PTPRD: variants seen among roughly 807,000 people sequenced by gnomAD.
The protein encoded by PTPRD is protein tyrosine phosphatase receptor type D.
PTPRD carries 34 observed loss-of-function variants against 214.5 expected under a neutral mutation model. The ratio of observed to expected loss-of-function variants is 0.16; its 90% CI spans 0.12 to 0.21. The LOEUF (loss-of-function observed/expected upper bound fraction) is 0.21, where lower values mean the gene tolerates loss of function less well. Among genes scored for constraint, PTPRD ranks in the 10% least tolerant of loss-of-function variants. The pLI is 1.00. For missense variants in PTPRD, 2,545 were observed against 2,398.7 expected (o/e 1.06, Z -1.27); for synonymous variants, 1,128 against 845.7 (o/e 1.33, Z -5.79).
rs146049779 is a variant in PTPRD, at chr9:8,779,803, A to G, written c.-103-45857T>C. Among the ~76,000 whole-genome samples, 330 of 141,284 alleles carry G rather than the reference A, an allele frequency of 2.3e-3. 1 individual carries two copies. The highest frequency in any genetic ancestry group is 8.2e-3 in the African/African-American group (315 of 38,420). 92.7% of individuals were successfully genotyped at this position (141,284 alleles called of 152,430 possible). ...GCATATTTGCTCACACATTATGTCG[A>G]TGTTTTGTTGGTTTTTTTTTTTTTT... is the stretch of plus-strand genomic sequence containing the variant. On this transcript the variant is annotated intron_variant, in intron 11 of 45. Coordinates refer to ENST00000381196, the MANE Select transcript of PTPRD (RefSeq NM_002839.4).
At chr9:9,474,427 A>G (rs557442859) in intron 8 of PTPRD, among the ~76,000 whole-genome samples, 1 of 152,116 alleles carries the variant, frequency 6.6e-6, no homozygotes, top group East Asian at 1.9e-4. Context: ...CTATTCAAGG[A>G]CCTTTGTGGT....
chr9:8,876,689 C>T (rs1413571205), intron 11 of PTPRD, among the ~76,000 whole-genome samples: 3 of 152,152 alleles, frequency 2.0e-5, no homozygotes, highest in Non-Finnish European at 4.4e-5. Context: ...TAACTCAGAA[C>T]ATTTAATGTT....
At chr9:9,665,360 A>C (rs540195970) in intron 7 of PTPRD, among the ~76,000 whole-genome samples, 3 of 151,972 alleles carry the variant, frequency 2.0e-5, no homozygotes, top group South Asian at 4.1e-4. Flanking sequence ...GCTTAAAAAG[A>C]TTGCATCAGA....
intron 11 of PTPRD, among the ~76,000 whole-genome samples, chr9:8,992,329 A>G (rs2154348627): frequency 6.6e-6 from 1 of 152,280 alleles, no homozygotes; most frequent in Middle Eastern, 3.4e-3. Flanking sequence ...CTTACATTAT[A>G]CTACTAAAAT....
At chr9:8,716,413 C>G (rs1259435719) in intron 12 of PTPRD, among the ~76,000 whole-genome samples, 2 of 152,196 alleles carry the variant, frequency 1.3e-5, no homozygotes, top group Admixed American at 6.5e-5. Context: ...CTCTAATTCA[C>G]TTTACACAAA....
intron 35 of PTPRD, among the ~76,000 whole-genome samples, chr9:8,423,425 T>C (rs377130517): frequency 6.6e-6 from 1 of 152,226 alleles, no homozygotes; most frequent in South Asian, 2.1e-4. Flanking sequence ...TAACAGCTCC[T>C]ATCTTTTCAA....
At chr9:10,422,740 C>T (rs1455354649) in intron 2 of PTPRD, among the ~76,000 whole-genome samples, 1 of 152,094 alleles carries the variant, frequency 6.6e-6, no homozygotes, top group Non-Finnish European at 1.5e-5. Flanking sequence ...AAATGCAAAT[C>T]AAAACCACAA....
At chr9:10,037,128 C>T (rs1410084390) in intron 3 of PTPRD, among the ~76,000 whole-genome samples, 1 of 151,012 alleles carries the variant, frequency 6.6e-6, no homozygotes, top group Non-Finnish European at 1.5e-5. Context: ...TGGACTCAAG[C>T]AGTCCTTCTG....
chr9:8,726,234 G>C (rs915664607), intron 12 of PTPRD, among the ~76,000 whole-genome samples: 2 of 151,914 alleles, frequency 1.3e-5, no homozygotes, highest in African/African-American at 4.8e-5. Context: ...GAATTAACAA[G>C]AAACACATCT....
chr9:10,180,134 C>A (rs2099273654), intron 3 of PTPRD, among the ~76,000 whole-genome samples: 1 of 151,798 alleles, frequency 6.6e-6, no homozygotes, highest in Non-Finnish European at 1.5e-5. Flanking sequence ...AAAAGATATA[C>A]AATATTTGAA....
rs1822215649 is a variant in PTPRD at position 8,316,895 on chromosome 9, G to GA, written c.*978dup. On this transcript the variant is annotated 3_prime_UTR_variant, in exon 46 of 46. Coordinates refer to ENST00000381196, the MANE Select transcript of PTPRD (RefSeq NM_002839.4). ...AAAAAAACTAAATCATGGAAGAACTGACTGACTGATAACTGTATCTATTTT... is the reference window on the plus strand; with the variant it reads ...AAAAAAACTAAATCATGGAAGAACTGAACTGACTGATAACTGTATCTATTTT... 1 of 188,238 alleles carries GA rather than the reference G, an allele frequency of 5.3e-6. No individual in the cohort carries two copies. Among genetic ancestry groups the GA allele is most frequent in the African/African-American group, 4.5e-5 (1 of 22,128 alleles). 11.7% of individuals were successfully genotyped at this position (188,238 alleles called of 1,614,324 possible).
At chr9:8,964,192 G>GTTTTT (rs71317391) in intron 11 of PTPRD, among the ~76,000 whole-genome samples, 19 of 35,620 alleles carry the variant, frequency 5.3e-4, no homozygotes, top group East Asian at 1.2e-3. Context: ...TCAGGGCTGT[G>GTTTTT]TTTTTTTTTT....
intron 11 of PTPRD, among the ~76,000 whole-genome samples, chr9:8,882,005 A>T (rs2098449963): frequency 6.6e-6 from 1 of 152,208 alleles, no homozygotes; most frequent in Non-Finnish European, 1.5e-5. Context: ...ACAGGCTGGT[A>T]GAAAAATAAG....
chr9:9,965,121 G>C (rs2094596029), intron 4 of PTPRD, among the ~76,000 whole-genome samples: 1 of 152,060 alleles, frequency 6.6e-6, no homozygotes, highest in Non-Finnish European at 1.5e-5. Context: ...GTCCAAATTA[G>C]CAAATTTTTC....
intron 3 of PTPRD, among the ~76,000 whole-genome samples, chr9:10,057,867 A>C (rs1448350622): frequency 1.3e-5 from 2 of 151,748 alleles, no homozygotes; most frequent in Non-Finnish European, 2.9e-5. Context: ...AAAAACAAAA[A>C]AAAAGTGAGT....
At chr9:8,756,075 A>G (rs2093966730) in intron 11 of PTPRD, among the ~76,000 whole-genome samples, 1 of 152,240 alleles carries the variant, frequency 6.6e-6, no homozygotes, top group Admixed American at 6.5e-5. Flanking sequence ...TTGAAGAAAG[A>G]ATCCAAATGG....
chr9:9,412,259 G>A (rs1020586961), intron 8 of PTPRD, among the ~76,000 whole-genome samples: 5 of 151,740 alleles, frequency 3.3e-5, no homozygotes, highest in African/African-American at 9.7e-5. Context: ...TAATAAATTC[G>A]CTTTTTGTAA....
chr9:10,398,135 T>G (rs1253728971), intron 2 of PTPRD, among the ~76,000 whole-genome samples: 1 of 151,394 alleles, frequency 6.6e-6, no homozygotes, highest in African/African-American at 2.4e-5. Flanking sequence ...TCCCAACACT[T>G]GGGAAGGTGG....
chr9:9,940,861 A>G (rs145985172), intron 4 of PTPRD, among the ~76,000 whole-genome samples: 8 of 152,228 alleles, frequency 5.3e-5, no homozygotes, highest in African/African-American at 1.9e-4. Context: ...TTTACAATCT[A>G]TGAGATATGA....
Sources: allele counts gnomAD v4.1 joint callset (sites outside exome capture counted in the v4.1 genomes callset), GRCh38; gene constraint gnomAD v4.1.1; transcripts MANE v1.5; gene names NCBI Gene and HGNC (gene_info 2026-07-23, HGNC 2026-07-21).